NRXN3: variants seen among roughly 807,000 people sequenced by gnomAD.
The protein encoded by NRXN3 is neurexin III.
In NRXN3, 32 loss-of-function variants were observed where a neutral mutation model predicts 137.6. That is an observed-to-expected ratio of 0.23 (90% CI 0.18 to 0.31). The LOEUF (loss-of-function observed/expected upper bound fraction) is 0.31. Ranked by LOEUF, NRXN3 falls within the 10% of genes least tolerant of loss-of-function variation. The probability of loss-of-function intolerance (pLI) is 1.00; values close to 1 mark genes in which losing one functional copy is unlikely to be tolerated. For missense variants in NRXN3, 1,574 were observed against 2,062.5 expected, an observed-to-expected ratio of 0.76 and a Z score of 4.59; for synonymous variants, 798 against 784.5, an observed-to-expected ratio of 1.02 and a Z score of -0.29.
intron 8 of NRXN3, among the ~76,000 whole-genome samples, chr14:78,734,472 T>TG: frequency 6.6e-6 from 1 of 152,218 alleles, no homozygotes; most frequent in Non-Finnish European, 1.5e-5. Context: ...CCAGATACCA[T>TG]GCTAGTCCTT....
At chr14:79,759,006 CA>C (rs1486479089) in intron 19 of NRXN3, among the ~76,000 whole-genome samples, 6 of 152,134 alleles carry the variant, frequency 3.9e-5, no homozygotes, top group Non-Finnish European at 7.4e-5. Flanking sequence ...TAAACATTTT[CA>C]GTATTACAGA....
In NRXN3 at chr14:79,862,297, C is replaced by G. The variant is rs755844113; in HGVS notation, c.*333C>G. The G allele has an allele frequency of 1.4e-5, 3 of 209,370 alleles. No individual in the cohort carries two copies. Among genetic ancestry groups the G allele is most frequent in the African/African-American group, 2.3e-5 (1 of 43,482 alleles). The allele number at this position is 209,370 out of a possible 1,614,324, so 13.0% of individuals were successfully genotyped here. Reference sequence around the variant, plus strand: ...TCCGCAGGCCTGGAAACTTCCTTCTCCGGAGGACCTTTTACTAAAAGGTAG... The same window carrying G: ...TCCGCAGGCCTGGAAACTTCCTTCTGCGGAGGACCTTTTACTAAAAGGTAG... On this transcript the variant is annotated 3_prime_UTR_variant, in exon 21 of 21. Coordinates refer to ENST00000335750, the MANE Select transcript of NRXN3 (RefSeq NM_001330195.2).
chr14:78,236,094 G>A (rs1291107182), intron 1 of NRXN3, among the ~76,000 whole-genome samples: 1 of 152,154 alleles, frequency 6.6e-6, no homozygotes, highest in Non-Finnish European at 1.5e-5. Context: ...ACATATATAT[G>A]TATCAGGAAG....
intron 16 of NRXN3, among the ~76,000 whole-genome samples, chr14:79,494,291 C>T (rs2096745164): frequency 6.6e-6 from 1 of 152,132 alleles, no homozygotes; most frequent in Admixed American, 6.5e-5. Flanking sequence ...TCTTCATTAG[C>T]CTCCTGTTTC....
At chr14:79,656,066 G>A (rs955153434) in intron 16 of NRXN3, among the ~76,000 whole-genome samples, 1 of 152,158 alleles carries the variant, frequency 6.6e-6, no homozygotes, top group Non-Finnish European at 1.5e-5. Context: ...ACATAAGTAA[G>A]GTGTAAGATG....
At chr14:79,380,146 C>CTTT (rs1341225259) in intron 15 of NRXN3, among the ~76,000 whole-genome samples, 1 of 46,654 alleles carries the variant, frequency 2.1e-5, no homozygotes, top group African/African-American at 7.1e-5. Context: ...AGATATACTT[C>CTTT]TTCTTTTTTT....
chr14:78,489,010 A>G (rs750111424), intron 4 of NRXN3, among the ~76,000 whole-genome samples: 1 of 152,176 alleles, frequency 6.6e-6, no homozygotes, highest in Non-Finnish European at 1.5e-5. Context: ...AGCTGCTTCT[A>G]AGAAAATAAG....
At chr14:79,385,199 A>G (rs1358595072) in intron 15 of NRXN3, among the ~76,000 whole-genome samples, 2 of 85,164 alleles carry the variant, frequency 2.3e-5, no homozygotes, top group African/African-American at 6.7e-5. Flanking sequence ...TCCCAATGCT[A>G]TCCTTCCCCC....
intron 10 of NRXN3, among the ~76,000 whole-genome samples, chr14:78,844,260 G>A (rs528669614): frequency 9.9e-5 from 15 of 152,180 alleles, no homozygotes; most frequent in African/African-American, 2.6e-4. Flanking sequence ...TAGAACATGC[G>A]TGGCTAACCC....
chr14:79,804,905 C>T (rs757445358), intron 19 of NRXN3, among the ~76,000 whole-genome samples: 2 of 152,088 alleles, frequency 1.3e-5, no homozygotes, highest in Non-Finnish European at 2.9e-5. Flanking sequence ...GAAGACCCCC[C>T]TAAGACGGTC....
intron 19 of NRXN3, among the ~76,000 whole-genome samples, chr14:79,710,031 G>T (rs1487037704): frequency 6.6e-6 from 1 of 152,064 alleles, no homozygotes; most frequent in Non-Finnish European, 1.5e-5. Flanking sequence ...GAATTAACCT[G>T]GATGGGGTTT....
At chr14:79,502,524 C>T (rs1442287479) in intron 16 of NRXN3, among the ~76,000 whole-genome samples, 1 of 151,772 alleles carries the variant, frequency 6.6e-6, no homozygotes, top group East Asian at 1.9e-4. Flanking sequence ...CACCCCCCAC[C>T]CCACCTCCTC....
intron 19 of NRXN3, among the ~76,000 whole-genome samples, chr14:79,713,107 G>A (rs1283062294): frequency 6.8e-6 from 1 of 147,278 alleles, no homozygotes; most frequent in Non-Finnish European, 1.5e-5. Flanking sequence ...GGCATCCAAT[G>A]TTGCAGCTGT....
chr14:79,130,048 C>T (rs1009307695), intron 15 of NRXN3, among the ~76,000 whole-genome samples: 5 of 152,022 alleles, frequency 3.3e-5, no homozygotes, highest in Admixed American at 6.6e-5. Flanking sequence ...TTCCTTCATC[C>T]TATTATTTTG....
At chr14:79,502,604 A>G (rs1002039026) in intron 16 of NRXN3, among the ~76,000 whole-genome samples, 18 of 146,354 alleles carry the variant, frequency 1.2e-4, no homozygotes, top group Non-Finnish European at 4.5e-5. Flanking sequence ...GGCTTTCTTT[A>G]TGTTCTGTGC....
chr14:79,270,314 T>C (rs1479094115), intron 15 of NRXN3, among the ~76,000 whole-genome samples: 1 of 152,132 alleles, frequency 6.6e-6, no homozygotes, highest in Non-Finnish European at 1.5e-5. Flanking sequence ...CACACACACA[T>C]ACACAGAAGA....
intron 1 of NRXN3, among the ~76,000 whole-genome samples, chr14:78,215,772 G>GGA (rs796829747): frequency 1.6e-3 from 19 of 11,878 alleles, no homozygotes; most frequent in African/African-American, 7.6e-3. Context: ...GCAGGGGGGT[G>GGA]GGGGGGGCAG....
intron 10 of NRXN3, among the ~76,000 whole-genome samples, chr14:78,815,503 C>CTTTTTTTTTT (rs2098930047): frequency 7.2e-5 from 1 of 13,920 alleles, no homozygotes; most frequent in Non-Finnish European, 1.8e-4. Context: ...TTTTTTTTTG[C>CTTTTTTTTTT]CTTTTCCCTT....
chr14:78,857,164 G>GC (rs1004386452), intron 10 of NRXN3, among the ~76,000 whole-genome samples: 2 of 148,448 alleles, frequency 1.3e-5, no homozygotes, highest in Admixed American at 6.7e-5. Flanking sequence ...TATATGAATT[G>GC]TTTTTTTTTT....
Sources: allele counts gnomAD v4.1 joint callset (sites outside exome capture counted in the v4.1 genomes callset), GRCh38; gene constraint gnomAD v4.1.1; transcripts MANE v1.5; gene names NCBI Gene and HGNC (gene_info 2026-07-23, HGNC 2026-07-21).